The following RFX4 variants were observed in gnomAD, a reference collection of about 807,000 sequenced individuals.
RFX4 encodes transcription factor RFX4.
A neutral mutation model predicts 95.0 loss-of-function variants in RFX4; 10 were observed. The ratio of observed to expected loss-of-function variants is 0.11; its 90% CI spans 0.06 to 0.18. The LOEUF (loss-of-function observed/expected upper bound fraction) is 0.18. Among genes scored for constraint, RFX4 ranks in the 10% least tolerant of loss-of-function variants. The pLI is 1.00. For missense variants in RFX4, 640 were observed against 922.0 expected (o/e 0.69, Z 3.96); for synonymous variants, 321 against 340.7 (o/e 0.94, Z 0.64).
rs2137527851 is a variant in RFX4 at position 106,720,137 on chromosome 12, T to TGAACAGGGTTCAG, written c.1233+83_1233+84insGAACAGGGTTCAG. 2.6e-6 allele frequency: 3 copies of TGAACAGGGTTCAG among 1,159,538 alleles called. No individual in the cohort carries two copies. The South Asian group carries it at 3.8e-5, about 15-fold the overall frequency. The allele number at this position is 1,159,538 out of a possible 1,614,324, so 71.8% of individuals were successfully genotyped here. A position where few individuals can be genotyped will look rare whatever the true frequency, so the allele number is the denominator to read the frequency against. On this transcript the variant is annotated intron_variant, in intron 12 of 17. Transcript: ENST00000392842. The surrounding 1 kb of genome is among the most constrained non-coding windows in gnomAD (Gnocchi z 4.2). ...TGTGAACTTGGCCAAGACAAAGCCC[T>TGAACAGGGTTCAG]ATGGTAAGCTATCTGAACAGGGTTT...
chr12:106,725,237 A>G (rs2042471532), intron 13 of RFX4, among the ~76,000 whole-genome samples: 1 of 152,136 alleles, frequency 6.6e-6, no homozygotes, highest in Admixed American at 6.6e-5. Flanking sequence ...CCCTTCTTAG[A>G]TACAGTGTAA....
At chr12:106,729,301 G>A in intron 13 of RFX4, among the ~76,000 whole-genome samples, 1 of 152,082 alleles carries the variant, frequency 6.6e-6, no homozygotes, top group East Asian at 1.9e-4. Flanking sequence ...TTCCTTATTT[G>A]ATGCTATCTT....
intron 17 of RFX4, among the ~76,000 whole-genome samples, chr12:106,756,803 A>G (rs999548432): frequency 4.6e-5 from 7 of 152,284 alleles, no homozygotes; most frequent in African/African-American, 1.7e-4. Context: ...CCTTTGTAAC[A>G]CCATAGTTAT....
At chr12:106,712,711 G>C (rs1030103986) in intron 10 of RFX4, among the ~76,000 whole-genome samples, 2 of 152,164 alleles carry the variant, frequency 1.3e-5, no homozygotes, top group African/African-American at 2.4e-5. Context: ...GGCTACACCT[G>C]GGCATTGTTC....
chr12:106,711,321 T>C, intron 9 of RFX4, 132 bp from the exon 10 acceptor site: 1 of 747,328 alleles, frequency 1.3e-6, no homozygotes, highest in Non-Finnish European at 2.3e-6. Flanking sequence ...AGTGGGTACA[T>C]AAAATGGGAT....
At chr12:106,622,145 C>T (rs2040198884) in intron 2 of RFX4, among the ~76,000 whole-genome samples, 1 of 152,010 alleles carries the variant, frequency 6.6e-6, no homozygotes, top group African/African-American at 2.4e-5. Flanking sequence ...ACATGGGCCA[C>T]CTGACTCTTG....
chr12:106,696,568 T>A, intron 8 of RFX4, 122 bp downstream of exon 8: 1 of 955,514 alleles, frequency 1.0e-6, no homozygotes, highest in Non-Finnish European at 1.5e-6. Context: ...CCATTAATAT[T>A]GAACTTTTAA....
At chr12:106,756,786 T>C (rs547257917) in intron 17 of RFX4, among the ~76,000 whole-genome samples, 1 of 152,328 alleles carries the variant, frequency 6.6e-6, no homozygotes, top group South Asian at 2.1e-4. Flanking sequence ...ACACATTTTA[T>C]TATTATCCTT....
At chr12:106,704,767 T>C (rs1448650051) in intron 8 of RFX4, among the ~76,000 whole-genome samples, 1 of 152,178 alleles carries the variant, frequency 6.6e-6, no homozygotes, top group African/African-American at 2.4e-5. Flanking sequence ...GCACAGTGGT[T>C]GTTAATAACA....
intron 1 of RFX4, among the ~76,000 whole-genome samples, chr12:106,605,127 C>A (rs899964346): frequency 1.4e-4 from 21 of 152,250 alleles, no homozygotes; most frequent in African/African-American, 4.8e-4. Flanking sequence ...TTGTATGATA[C>A]CTCACCCATA....
At chr12:106,659,460 T>C (rs1054751725) in intron 4 of RFX4, among the ~76,000 whole-genome samples, 3 of 152,226 alleles carry the variant, frequency 2.0e-5, no homozygotes, top group African/African-American at 7.2e-5. Flanking sequence ...GGGATCACAA[T>C]TGGCATGCTC....
chr12:106,586,158 C>T lies in RFX4; in HGVS notation c.43+2795C>T, dbSNP rs1386507246. On this transcript the variant is annotated intron_variant, in intron 1 of 17. Transcript: ENST00000392842. This position sits in a 1 kb window ranked among gnomAD's most constrained non-coding sequence, Gnocchi z 5.6. The stretch of plus-strand genomic sequence containing the variant: ...CCCCAGCTTGCCGCGCGCCGCGGTG[C>T]TCCGGCAGGAGGCAAAGGCGACAGG... Among the ~76,000 whole-genome samples, 3 of 152,156 alleles carry T rather than the reference C, an allele frequency of 2.0e-5. No homozygotes were observed. Among genetic ancestry groups the T allele is most frequent in the Admixed American group, 6.5e-5 (1 of 15,292 alleles).
chr12:106,714,017 C>T (rs1021613228), intron 10 of RFX4, among the ~76,000 whole-genome samples: 1 of 141,388 alleles, frequency 7.1e-6, no homozygotes, highest in Admixed American at 7.6e-5. Context: ...TTACAGTGAG[C>T]CAAGATCGCC....
chr12:106,624,668 AG>A (rs1287096602), intron 2 of RFX4, among the ~76,000 whole-genome samples: 2 of 151,576 alleles, frequency 1.3e-5, no homozygotes, highest in African/African-American at 4.9e-5. Context: ...GGCGGGGCGG[AG>A]GGGGGAAGAA....
At chr12:106,686,422 A>G (rs1415188945) in intron 5 of RFX4, among the ~76,000 whole-genome samples, 1 of 151,956 alleles carries the variant, frequency 6.6e-6, no homozygotes, top group Admixed American at 6.6e-5. Flanking sequence ...AAAAAAAAAA[A>G]AAAAGAAAAA....
intron 17 of RFX4, among the ~76,000 whole-genome samples, chr12:106,753,865 G>A (rs111648636): frequency 0.014 from 2,117 of 152,310 alleles, 55 homozygotes; most frequent in African/African-American, 0.049. Context: ...GGAAGCTACG[G>A]AGTGGTAAGA....
chr12:106,681,732 C>T lies in RFX4; in HGVS notation c.316-261C>T, dbSNP rs181532028. ...GAGGCAGGTTCTGGACCAACCAGAA[C>T]TCTCCTTCCTTTGTGAGTAGGACGG... is the stretch of plus-strand genomic sequence containing the variant. On this transcript the variant is annotated intron_variant, in intron 4 of 17. Coordinates refer to ENST00000392842, the MANE Select transcript of RFX4 (RefSeq NM_213594.3). Among the ~76,000 whole-genome samples the T allele has an allele frequency of 2.6e-3, 396 of 152,240 alleles. 1 individual carries two copies. Among genetic ancestry groups the T allele is most frequent in the African/African-American group, 8.8e-3 (365 of 41,528 alleles).
chr12:106,620,647 CT>C (rs2040165314), intron 2 of RFX4, among the ~76,000 whole-genome samples: 1 of 152,088 alleles, frequency 6.6e-6, no homozygotes, highest in African/African-American at 2.4e-5. Context: ...CATGTATTGT[CT>C]TGATAAACAT....
At chr12:106,662,412 T>C (rs942383996) in intron 4 of RFX4, 1 of 153,334 alleles carries the variant, frequency 6.5e-6, no homozygotes, top group African/African-American at 2.4e-5. Context: ...AATTGGGTTG[T>C]TTGTTTTCTT....
Sources: allele counts gnomAD v4.1 joint callset (sites outside exome capture counted in the v4.1 genomes callset), GRCh38; gene constraint gnomAD v4.1.1; non-coding constraint Gnocchi (gnomAD v3.1); transcripts MANE v1.5; gene names NCBI Gene and HGNC (gene_info 2026-07-23, HGNC 2026-07-21).